HIGD1B: variants seen among roughly 807,000 people sequenced by gnomAD.
HIGD1B encodes HIG1 hypoxia inducible domain family member 1B.
In HIGD1B, 9 loss-of-function variants were observed where a neutral mutation model predicts 8.8. That is an observed-to-expected ratio of 1.02 (90% CI 0.62 to 1.78). The LOEUF (loss-of-function observed/expected upper bound fraction) is 1.78. Ranked by LOEUF, HIGD1B falls within the 40% of genes most tolerant of loss-of-function variation. The probability of loss-of-function intolerance (pLI) is 0.00; values close to 1 mark genes in which losing one functional copy is unlikely to be tolerated. For missense variants in HIGD1B, 126 were observed against 111.8 expected (o/e 1.13, Z -0.57); for synonymous variants, 47 against 38.8 (o/e 1.21, Z -0.78).
intron 1 of HIGD1B, 49 bp downstream of exon 1, chr17:44,848,301 T>A (rs1264638807): frequency 1.2e-6 from 1 of 844,064 alleles, no homozygotes; most frequent in Non-Finnish European, 2.1e-6. Flanking sequence ...TTCTCTGTCA[T>A]GTCTCCTGGT....
At chr17:44,849,219 G>C (rs776657572) in intron 1 of HIGD1B, 35 bp from the exon 2 acceptor site, 1 of 1,610,918 alleles carries the variant, frequency 6.2e-7, no homozygotes. Context: ...TGTGCATTGT[G>C]GCTGTGGCCC....
intron 2 of HIGD1B, 115 bp from the exon 3 acceptor site, chr17:44,850,217 C>T (rs1459291726): frequency 9.8e-6 from 7 of 712,902 alleles, no homozygotes; most frequent in South Asian, 1.8e-5. Flanking sequence ...GAAAGATGAG[C>T]GGGAAGCTGG....
intron 1 of HIGD1B, among the ~76,000 whole-genome samples, chr17:44,848,762 G>A (rs2050363987): frequency 1.3e-5 from 2 of 151,944 alleles, no homozygotes; most frequent in Admixed American, 1.3e-4. Context: ...TGCCATTGAA[G>A]GGCAACAACT....
chr17:44,847,252 T>C (rs1306456878), upstream of HIGD1B, among the ~76,000 whole-genome samples: 1 of 151,362 alleles, frequency 6.6e-6, no homozygotes, highest in Non-Finnish European at 1.5e-5. Flanking sequence ...GCTAACAAGG[T>C]GAAACCCCGT....
rs2050343704 is a variant in HIGD1B, at chr17:44,848,152, T to A, written c.-1T>A. On this transcript the variant is annotated 5_prime_UTR_variant, in exon 1 of 3. Transcript: ENST00000253410. Reference sequence around the variant, plus strand: ...AGCTGCTTACATCCAGGTCCAGGATTATGTCTGCTAACAGACGCTGGTGGG... The same window carrying A: ...AGCTGCTTACATCCAGGTCCAGGATAATGTCTGCTAACAGACGCTGGTGGG... 1 of 872,116 alleles carries A rather than the reference T, an allele frequency of 1.1e-6. No individual in the cohort carries two copies. The highest frequency in any genetic ancestry group is 2.0e-6 in the Non-Finnish European group (1 of 501,472). The allele number at this position is 872,116 out of a possible 1,614,324, so 54.0% of individuals were successfully genotyped here.
chr17:44,849,758 CA>C (rs61617877), intron 2 of HIGD1B, among the ~76,000 whole-genome samples: 1,919 of 52,560 alleles, frequency 0.037, 13 homozygotes, highest in South Asian at 0.055. Flanking sequence ...GACTCTGTCT[CA>C]AAAAAAAAAA....
chr17:44,849,518 T>C (rs779955849), intron 2 of HIGD1B, 130 bp downstream of exon 2: 7 of 1,071,168 alleles, frequency 6.5e-6, no homozygotes, highest in Non-Finnish European at 9.3e-6. Flanking sequence ...TCTCAACACT[T>C]TGGGAGGCCA....
chr17:44,850,032 TCA>T (rs1182685326), intron 2 of HIGD1B: 10 of 293,090 alleles, frequency 3.4e-5, no homozygotes, highest in Non-Finnish European at 5.9e-5. Flanking sequence ...TCACTGAGCC[TCA>T]GTTTCCTGAT....
At chr17:44,850,056 C>T (rs914708723) in intron 2 of HIGD1B, 2 of 344,032 alleles carry the variant, frequency 5.8e-6, no homozygotes, top group Non-Finnish European at 5.5e-6. Flanking sequence ...TGTAACATGA[C>T]AATAACCACC....
In HIGD1B at chr17:44,847,940, T is replaced by A. The variant is rs143193329; in HGVS notation, c.-213T>A. 2.2e-6 allele frequency: 1 copy of A among 464,706 alleles called. No individual in the cohort carries two copies. Among genetic ancestry groups the A allele is most frequent in the Non-Finnish European group, 3.9e-6 (1 of 259,728 alleles). 28.8% of individuals were successfully genotyped at this position (464,706 alleles called of 1,614,324 possible). A position where few individuals can be genotyped will look rare whatever the true frequency, so the allele number is the denominator to read the frequency against. Reference sequence around the variant, plus strand: ...ATGGTAGGAAATGGAGACGGAGAAATGGCACTAATGGCCCAGCCACCTGAG... The same window carrying A: ...ATGGTAGGAAATGGAGACGGAGAAAAGGCACTAATGGCCCAGCCACCTGAG... On this transcript the variant is annotated 5_prime_UTR_variant, in exon 1 of 3. It removes an upstream start codon present in the reference 5' UTR. Coordinates refer to ENST00000253410, the MANE Select transcript of HIGD1B (RefSeq NM_016438.4).
upstream of HIGD1B, among the ~76,000 whole-genome samples, chr17:44,847,652 G>A (rs2050337355): frequency 6.6e-6 from 1 of 152,192 alleles, no homozygotes; most frequent in Non-Finnish European, 1.5e-5. Context: ...CTGGCAATTT[G>A]GTAACTAATG....
chr17:44,849,285 C>T lies in HIGD1B; in HGVS notation c.132C>T (p.Tyr44=). The change falls in exon 2 of 3, where the codon TAC becomes TAT. Residue 44 remains tyrosine, a synonymous_variant. Transcript: ENST00000253410. The part of the protein sequence containing the change: ...GLGGCLVVAA[Y]RIYRLRSRGS... ...GAGGCTGCTTGGTGGTAGCAGCATA[C>T]AGGATTTACCGGCTGAGGTCTCGTG... 1 of 1,614,092 alleles carries T rather than the reference C, an allele frequency of 6.2e-7. No homozygotes were observed. The highest frequency in any genetic ancestry group is 1.1e-5 in the South Asian group (1 of 91,072).
rs1368378508 is a variant in HIGD1B, at chr17:44,850,369, G to A, written c.273G>A (p.Arg91=). ...CAATGTACAGCGATTACGTCAAGAG[G>A]ATGGCACAGGATGCTGGAGAGAAGT... The part of the protein sequence containing the change: ...VYTMYSDYVK[R]MAQDAGEK The change falls in exon 3 of 3, where the codon AGG becomes AGA. Residue 91 remains arginine (R), a synonymous_variant. Coordinates refer to ENST00000253410, the MANE Select transcript of HIGD1B (RefSeq NM_016438.4). 6.2e-7 allele frequency: 1 copy of A among 1,613,214 alleles called. No individual in the cohort carries two copies. Among genetic ancestry groups the A allele is most frequent in the African/African-American group, 1.3e-5 (1 of 74,938 alleles).
chr17:44,849,151 C>T (rs752382055), intron 1 of HIGD1B, 103 bp from the exon 2 acceptor site: 45 of 1,406,956 alleles, frequency 3.2e-5, no homozygotes, highest in Non-Finnish European at 4.1e-5. Flanking sequence ...TGCATAAAAC[C>T]AGCTGTTTAT....
rs763613753 is a variant in HIGD1B, at chr17:44,850,342, C to T, written c.246C>T (p.Tyr82=). The T allele has an allele frequency of 6.2e-7, 1 of 1,612,858 alleles. No individual in the cohort carries two copies. The highest frequency in any genetic ancestry group is 1.7e-5 in the Admixed American group (1 of 59,962). The change falls in exon 3 of 3, where the codon TAC becomes TAT. Residue 82 remains tyrosine, a synonymous_variant. Transcript: ENST00000253410. ...TTTTCTCTCACACAGGTGCTGTGTA[C>T]ACAATGTACAGCGATTACGTCAAGA... ...AVGAIMLGAV[Y]TMYSDYVKRM...
Position 44,849,262 on chromosome 17 carries a change from G to A in HIGD1B, c.109G>A (p.Gly37Ser). Residue 37 changes from glycine (G) to serine (S), a missense_variant, in exon 2 of 3, where the codon GGC becomes AGC. Physicochemically the swap from Gly to Ser is moderately conservative, Grantham distance 56 (BLOSUM62 0). Coordinates refer to ENST00000253410, the MANE Select transcript of HIGD1B (RefSeq NM_016438.4). ...ESPLVPIGLG[G>S]CLVVAAYRIY... ...GTGTTCTCTGCCCACAGGCTTAGGA[G>A]GCTGCTTGGTGGTAGCAGCATACAG... The A allele has an allele frequency of 6.2e-7, 1 of 1,614,062 alleles. No homozygotes were observed. The highest frequency in any genetic ancestry group is 8.5e-7 in the Non-Finnish European group (1 of 1,179,980).
chr17:44,847,741 T>A (rs1368018265), upstream of HIGD1B, among the ~76,000 whole-genome samples: 1 of 152,200 alleles, frequency 6.6e-6, no homozygotes, highest in East Asian at 1.9e-4. Flanking sequence ...GGAGAAACCA[T>A]CACAGACCAA....
At chr17:44,845,837 C>T (rs1350425193), upstream of HIGD1B, among the ~76,000 whole-genome samples, 4 of 151,788 alleles carry the variant, frequency 2.6e-5, no homozygotes, top group Non-Finnish European at 4.4e-5. Context: ...GAGGCTGAGG[C>T]AGGAGAATCA....
chr17:44,847,670 A>G (rs141719627), upstream of HIGD1B, among the ~76,000 whole-genome samples: 5 of 152,354 alleles, frequency 3.3e-5, no homozygotes, highest in Admixed American at 6.5e-5. Flanking sequence ...ATGCTGTTAC[A>G]CTATCTGGTC....
Sources: gnomAD v4.1 joint callset for allele counts (sites outside exome capture counted in the v4.1 genomes callset) on GRCh38, gnomAD v4.1.1 for gene constraint, MANE v1.5 for transcripts, NCBI Gene and HGNC (gene_info 2026-07-23, HGNC 2026-07-21) for gene names.